Variants in EIF3E observed in about 807,000 individuals in gnomAD.
EIF3E encodes eIF-3 p48.
In EIF3E, 25 loss-of-function variants were observed where a neutral mutation model predicts 59.3. That is an observed-to-expected ratio of 0.42 (90% confidence interval 0.31 to 0.59). The LOEUF is 0.59. EIF3E is among the 20% of genes least tolerant of loss of function. EIF3E has a pLI of 0.15. For synonymous variants in EIF3E, 176 were observed against 170.2 expected (o/e 1.03, Z -0.26); for missense variants, 317 against 534.3 (o/e 0.59, Z 4.01).
chr8:108,228,645 A>C (rs1380746510), intron 6 of EIF3E, among the ~76,000 whole-genome samples: 1 of 152,194 alleles, frequency 6.6e-6, no homozygotes, highest in Admixed American at 6.5e-5. Flanking sequence ...AAACTCTTAC[A>C]GAAGTTATAA....
At chr8:108,224,565 AG>A (rs1815484029) in intron 7 of EIF3E, among the ~76,000 whole-genome samples, 1 of 151,610 alleles carries the variant, frequency 6.6e-6, no homozygotes, top group Non-Finnish European at 1.5e-5. Context: ...TTAACAAGAC[AG>A]AAAATAAGAC....
At chr8:108,238,248 ATGTGTGTATATATCTC>A (rs1026596395) in intron 3 of EIF3E, among the ~76,000 whole-genome samples, 2 of 152,210 alleles carry the variant, frequency 1.3e-5, no homozygotes, top group Admixed American at 6.5e-5. Flanking sequence ...TATGCGCATG[ATGTGTGTATATATCTC>A]TGTGTGTTTT....
At position 108,217,371 on chromosome 8, in the gene EIF3E, C is replaced by A; in HGVS notation, c.812G>T (p.Arg271Leu). ...VITNKDVRKR[R>L]QVLKDLVKVI... Reference sequence around the variant, plus strand: ...TTTAACTAGATCTTTTAGAACCTGCCGACGTTTTCGAACATCCTTGTTTGT... The same window carrying A: ...TTTAACTAGATCTTTTAGAACCTGCAGACGTTTTCGAACATCCTTGTTTGT... Residue 271 changes from arginine to leucine, a missense_variant, in exon 8 of 13, where the codon CGG becomes CTG. By Grantham distance (102) the Arg-to-Leu change is moderately radical. Transcript: ENST00000220849. 6.3e-7 allele frequency: 1 copy of A among 1,582,574 alleles called. No individual in the cohort carries two copies. Among genetic ancestry groups the A allele is most frequent in the Non-Finnish European group, 8.6e-7 (1 of 1,163,592 alleles).
In EIF3E at chr8:108,243,869, A is replaced by G. The variant is rs77544347; in HGVS notation, c.91-1956T>C. On this transcript the variant is annotated intron_variant, in intron 1 of 12. Transcript: ENST00000220849. ...AGAAACACTAATCTTAAATAAAAAC[A>G]TTCTTTTCCAAGCACGCTACCTCTC... is the stretch of plus-strand genomic sequence containing the variant. 8.8e-3 allele frequency among the ~76,000 whole-genome samples: 1,340 copies of G among 152,210 alleles called. 36 individuals are homozygous for G. The highest frequency in any genetic ancestry group is 0.031 in the African/African-American group (1,277 of 41,510).
At chr8:108,206,358 G>A (rs565719495) in intron 10 of EIF3E, among the ~76,000 whole-genome samples, 60 of 152,160 alleles carry the variant, frequency 3.9e-4, no homozygotes, top group African/African-American at 1.4e-3. Flanking sequence ...AAAAGAAAAA[G>A]TGGAAGGACC....
chr8:108,242,363 A>C, intron 1 of EIF3E: 14 of 1,289,510 alleles, frequency 1.1e-5, no homozygotes, highest in Non-Finnish European at 1.4e-5. Context: ...CAAGTTTTTA[A>C]GTCAACCATG....
intron 7 of EIF3E, among the ~76,000 whole-genome samples, chr8:108,219,247 T>C (rs1815361155): frequency 6.6e-6 from 1 of 152,244 alleles, no homozygotes; most frequent in Non-Finnish European, 1.5e-5. Flanking sequence ...ATCTTAATTA[T>C]TTTTACTGGA....
chr8:108,204,731 G>GTATATATATATATATATATATA (rs148053969), intron 10 of EIF3E, among the ~76,000 whole-genome samples: 18 of 86,730 alleles, frequency 2.1e-4, no homozygotes, highest in Non-Finnish European at 3.2e-4. Context: ...TAGTATGTAT[G>GTATATATATATATATATATATA]TATATATATA....
intron 1 of EIF3E, among the ~76,000 whole-genome samples, chr8:108,246,410 C>A (rs1452722224): frequency 6.6e-6 from 1 of 152,000 alleles, no homozygotes; most frequent in Admixed American, 6.5e-5. Flanking sequence ...AACAAAATCT[C>A]AATTTTGATA....
At chr8:108,245,145 A>G (rs1815923294) in intron 1 of EIF3E, among the ~76,000 whole-genome samples, 1 of 151,354 alleles carries the variant, frequency 6.6e-6, no homozygotes, top group Non-Finnish European at 1.5e-5. Flanking sequence ...TCCCATACCA[A>G]TACAGAATGG....
chr8:108,204,263 C>T (rs1405779870), intron 10 of EIF3E, among the ~76,000 whole-genome samples: 1 of 151,968 alleles, frequency 6.6e-6, no homozygotes, highest in Non-Finnish European at 1.5e-5. Flanking sequence ...GATATATTTA[C>T]AGCAGCACAA....
chr8:108,245,696 T>C (rs60536970), intron 1 of EIF3E, among the ~76,000 whole-genome samples: 1,965 of 152,320 alleles, frequency 0.013, 52 homozygotes, highest in African/African-American at 0.044. Flanking sequence ...AATATTTCAC[T>C]ATCTGGCCTT....
intron 10 of EIF3E, among the ~76,000 whole-genome samples, chr8:108,209,215 C>G (rs1408255963): frequency 6.6e-6 from 1 of 151,986 alleles, no homozygotes; most frequent in Non-Finnish European, 1.5e-5. Context: ...CCTCAAAAGA[C>G]AGAACATCAG....
chr8:108,235,959 A>C (rs1815723259), intron 4 of EIF3E, among the ~76,000 whole-genome samples: 1 of 152,214 alleles, frequency 6.6e-6, no homozygotes, highest in African/African-American at 2.4e-5. Flanking sequence ...TCTGTCATCT[A>C]AAGGTGAGCT....
chr8:108,235,177 G>C lies in EIF3E; in HGVS notation c.367-75C>G, dbSNP rs149619443. Reference sequence around the variant, plus strand: ...ACCCCATTGTAATTCATAAGTCTTTGAGGTCAAAACTATGAATGTTTAAGT... The same window carrying C: ...ACCCCATTGTAATTCATAAGTCTTTCAGGTCAAAACTATGAATGTTTAAGT... On this transcript the variant is annotated intron_variant, in intron 4 of 12. Coordinates refer to ENST00000220849, the MANE Select transcript of EIF3E (RefSeq NM_001568.3). 49 of 884,026 alleles carry C rather than the reference G, an allele frequency of 5.5e-5. No homozygotes were observed. The East Asian group carries it at 1.3e-3, about 24-fold the overall frequency. The allele number at this position is 884,026 out of a possible 1,614,324, so 54.8% of individuals were successfully genotyped here.
At chr8:108,206,651 C>T (rs1037512163) in intron 10 of EIF3E, among the ~76,000 whole-genome samples, 3 of 142,962 alleles carry the variant, frequency 2.1e-5, no homozygotes, top group African/African-American at 7.9e-5. Context: ...CACACATACA[C>T]ACGCACGCAC....
chr8:108,217,939 CAT>C (rs1815334589), intron 7 of EIF3E, among the ~76,000 whole-genome samples: 1 of 152,128 alleles, frequency 6.6e-6, no homozygotes, highest in South Asian at 2.1e-4. Flanking sequence ...TATTACAAGA[CAT>C]TGGTTAAAGT....
chr8:108,230,972 T>C (rs1815612399), intron 5 of EIF3E, among the ~76,000 whole-genome samples: 1 of 152,042 alleles, frequency 6.6e-6, no homozygotes, highest in Admixed American at 6.6e-5. Flanking sequence ...GCAAAACTAA[T>C]CTACAGGGAC....
chr8:108,232,643 A>G (rs576137520), intron 5 of EIF3E, among the ~76,000 whole-genome samples: 13 of 152,338 alleles, frequency 8.5e-5, no homozygotes, highest in South Asian at 4.1e-4. Context: ...AGAATGTGTT[A>G]TATGTGTTAG....
Sources: allele counts gnomAD v4.1 joint callset (sites outside exome capture counted in the v4.1 genomes callset), GRCh38; gene constraint gnomAD v4.1.1; transcripts MANE v1.5; gene names NCBI Gene and HGNC (gene_info 2026-07-23, HGNC 2026-07-21).